PLSCR3: variants seen among roughly 807,000 people sequenced by gnomAD.
The protein encoded by PLSCR3 is PL scramblase 3.
PLSCR3 carries 17 observed loss-of-function variants against 33.7 expected under a neutral mutation model. The ratio of observed to expected loss-of-function variants is 0.50; its 90% CI spans 0.35 to 0.76. PLSCR3 has a LOEUF of 0.76. Ranked by LOEUF, PLSCR3 falls within the 30% of genes least tolerant of loss-of-function variation. The pLI is 0.01. For missense variants in PLSCR3, 360 were observed against 394.1 expected (o/e 0.91, Z 0.73); for synonymous variants, 166 against 166.0 (o/e 1.00, Z 0.00).
At chr17:7,393,886 TC>T in intron 2 of PLSCR3, 50 bp from the exon 3 acceptor site, 2 of 1,210,234 alleles carry the variant, frequency 1.7e-6, no homozygotes, top group Non-Finnish European at 2.3e-6. Context: ...CAAGGCCTCA[TC>T]CCCTTATTCC....
At chr17:7,393,418 C>T in intron 4 of PLSCR3, 49 bp downstream of exon 4, 2 of 1,612,872 alleles carry the variant, frequency 1.2e-6, no homozygotes, top group South Asian at 1.1e-5. Context: ...CAGGAGCCCA[C>T]CATCCGGGCC....
chr17:7,393,747 G>T lies in PLSCR3; in HGVS notation c.97C>A (p.Pro33Thr), dbSNP rs973943878. Residue 33 changes from proline (P) to threonine (T), a missense_variant, in exon 3 of 8, where the codon CCC becomes ACC. Pro to Thr is a conservative substitution (Grantham distance 38, BLOSUM62 -1). Transcript: ENST00000619711. ...TGGGCGGGCACTGGCGCCTGCCCGGGCCCAGGATGTAGCGCCGGCTCCGGG... is the reference window on the plus strand; with the variant it reads ...TGGGCGGGCACTGGCGCCTGCCCGGTCCCAGGATGTAGCGCCGGCTCCGGG... Reference protein sequence around the residue: ...GYPEPALHPGPGQAPVPAQVP... With the variant: ...GYPEPALHPGTGQAPVPAQVP... The T allele has an allele frequency of 1.3e-6, 2 of 1,514,840 alleles. No individual in the cohort carries two copies. Among genetic ancestry groups the T allele is most frequent in the African/African-American group, 1.4e-5 (1 of 71,056 alleles). 93.8% of individuals were successfully genotyped at this position (1,514,840 alleles called of 1,614,324 possible). A position where few individuals can be genotyped will look rare whatever the true frequency, so the allele number is the denominator to read the frequency against.
chr17:7,393,127 CCCCT>C lies in PLSCR3; in HGVS notation c.507+13_507+16del. On this transcript the variant is annotated intron_variant, in intron 5 of 7. Transcript: ENST00000619711. ...CCCCACCAAGGCCCGCCCTCCCGGCCCCCTCCCTCCGCCCACCTCCTGGAGGCCA... is the reference window on the plus strand; with the variant it reads ...CCCCACCAAGGCCCGCCCTCCCGGCCCCCTCCGCCCACCTCCTGGAGGCCA... 6.9e-7 allele frequency: 1 copy of C among 1,439,312 alleles called. No individual in the cohort carries two copies. Among genetic ancestry groups the C allele is most frequent in the Non-Finnish European group, 9.1e-7 (1 of 1,099,606 alleles). 89.2% of individuals were successfully genotyped at this position (1,439,312 alleles called of 1,614,324 possible).
In PLSCR3 at chr17:7,392,813, C is replaced by A. The variant is rs776982633; in HGVS notation, c.647G>T (p.Cys216Phe). The A allele has an allele frequency of 1.2e-6, 2 of 1,613,948 alleles. No individual in the cohort carries two copies. Reference sequence around the variant, plus strand: ...TACCTCAAAGTTGGTGTCTGTGCCACAGCCACAGGTCCAGCAGGGCCCCAC... The same window carrying A: ...TACCTCAAAGTTGGTGTCTGTGCCAAAGCCACAGGTCCAGCAGGGCCCCAC... ...RVVGPCWTCG[C>F]GTDTNFEVKT... is the part of the protein sequence containing the mutation. The change falls in exon 6 of 8, where the codon TGT becomes TTT. Residue 216 changes from cysteine to phenylalanine, a missense_variant. Physicochemically the swap from Cys to Phe is radical, Grantham distance 205. Coordinates refer to ENST00000619711, the MANE Select transcript of PLSCR3 (RefSeq NM_020360.4).
At position 7,394,357 on chromosome 17, in the gene PLSCR3, C is replaced by G; in HGVS notation, c.-157-90G>C. 1 of 495,510 alleles carries G rather than the reference C, an allele frequency of 2.0e-6. No individual in the cohort carries two copies. Among genetic ancestry groups the G allele is most frequent in the Non-Finnish European group, 3.6e-6 (1 of 275,724 alleles). The allele number at this position is 495,510 out of a possible 1,614,324, so 30.7% of individuals were successfully genotyped here. On this transcript the variant is annotated intron_variant, in intron 1 of 7. Coordinates refer to ENST00000619711, the MANE Select transcript of PLSCR3 (RefSeq NM_020360.4). The surrounding 1 kb of genome is among the most constrained non-coding windows in gnomAD (Gnocchi z 5.3). ...CGGGGGCCCCAGAACCGCCCCCTCCCTTTGTTCTCCCATCCTGCGGAGGAG... is the reference window on the plus strand; with the variant it reads ...CGGGGGCCCCAGAACCGCCCCCTCCGTTTGTTCTCCCATCCTGCGGAGGAG...
At position 7,391,715 on chromosome 17, in the gene PLSCR3, G is replaced by T. The variant is rs551291961; in HGVS notation, c.670-920C>A. 6.6e-6 allele frequency among the ~76,000 whole-genome samples: 1 copy of T among 152,176 alleles called. No homozygotes were observed. Among genetic ancestry groups the T allele is most frequent in the Non-Finnish European group, 1.5e-5 (1 of 68,036 alleles). Reference sequence around the variant, plus strand: ...CTATACATTCCCATCTGGAGATCACGCAGTTATTATATCTTATTCCCAATT... The same window carrying T: ...CTATACATTCCCATCTGGAGATCACTCAGTTATTATATCTTATTCCCAATT... On this transcript the variant is annotated intron_variant, in intron 6 of 7. Coordinates refer to ENST00000619711, the MANE Select transcript of PLSCR3 (RefSeq NM_020360.4). The surrounding 1 kb of genome is among the most constrained non-coding windows in gnomAD (Gnocchi z 4.1).
Position 7,394,340 on chromosome 17 carries a change from C to T in PLSCR3, c.-157-73G>A. 1 of 511,756 alleles carries T rather than the reference C, an allele frequency of 2.0e-6. No homozygotes were observed. Among genetic ancestry groups the T allele is most frequent in the Non-Finnish European group, 3.5e-6 (1 of 285,272 alleles). 31.7% of individuals were successfully genotyped at this position (511,756 alleles called of 1,614,324 possible). A position where few individuals can be genotyped will look rare whatever the true frequency, so the allele number is the denominator to read the frequency against. ...GGGACCCTGGATTCCCTCGGGGGCCCCAGAACCGCCCCCTCCCTTTGTTCT... is the reference window on the plus strand; with the variant it reads ...GGGACCCTGGATTCCCTCGGGGGCCTCAGAACCGCCCCCTCCCTTTGTTCT... On this transcript the variant is annotated intron_variant, in intron 1 of 7. Transcript: ENST00000619711. The surrounding 1 kb of genome is among the most constrained non-coding windows in gnomAD (Gnocchi z 5.3).
Position 7,394,348 on chromosome 17 carries a change from G to T in PLSCR3, c.-157-81C>A. On this transcript the variant is annotated intron_variant, in intron 1 of 7. Transcript: ENST00000619711. The surrounding 1 kb of genome is among the most constrained non-coding windows in gnomAD (Gnocchi z 5.3). ...GGATTCCCTCGGGGGCCCCAGAACC[G>T]CCCCCTCCCTTTGTTCTCCCATCCT... 2.0e-6 allele frequency: 1 copy of T among 504,644 alleles called. No homozygotes were observed. Among genetic ancestry groups the T allele is most frequent in the Admixed American group, 3.3e-5 (1 of 29,854 alleles). The allele number at this position is 504,644 out of a possible 1,614,324, so 31.3% of individuals were successfully genotyped here.
At position 7,390,622 on chromosome 17, in the gene PLSCR3, C is replaced by A. The variant is rs1370614976; in HGVS notation, c.831+12G>T. 1 of 1,613,562 alleles carries A rather than the reference C, an allele frequency of 6.2e-7. No homozygotes were observed. The highest frequency in any genetic ancestry group is 8.5e-7 in the Non-Finnish European group (1 of 1,179,544). On this transcript the variant is annotated intron_variant, in intron 7 of 7. Transcript: ENST00000619711. ...GACAGGCAGGAGGTGGGGGCAGGGG[C>A]AGCCAACTCACAATGAGGAATGTGG...
intron 6 of PLSCR3, 84 bp downstream of exon 6, chr17:7,392,707 T>C: frequency 7.5e-7 from 1 of 1,328,128 alleles, no homozygotes; most frequent in Non-Finnish European, 1.1e-6. Context: ...GCTCAGGGTC[T>C]TGACCTTAAT....
Position 7,394,058 on chromosome 17 carries a change from G to C in PLSCR3, c.7+46C>G. On this transcript the variant is annotated intron_variant, in intron 2 of 7. Coordinates refer to ENST00000619711, the MANE Select transcript of PLSCR3 (RefSeq NM_020360.4). The surrounding 1 kb of genome is among the most constrained non-coding windows in gnomAD (Gnocchi z 5.3). ...GGATGTGTTCAAACCCGGCTCCCAAGTCCGTGGGGGGGATAACGGAGACCC... is the reference window on the plus strand; with the variant it reads ...GGATGTGTTCAAACCCGGCTCCCAACTCCGTGGGGGGGATAACGGAGACCC... 1 of 1,604,228 alleles carries C rather than the reference G, an allele frequency of 6.2e-7. No homozygotes were observed. Among genetic ancestry groups the C allele is most frequent in the Non-Finnish European group, 8.5e-7 (1 of 1,174,348 alleles).
rs1473680301 is a variant in PLSCR3 at position 7,390,248 on chromosome 17, AGTAGG to A, written c.*132_*136del. The A allele has an allele frequency of 1.7e-6, 1 of 604,396 alleles. No homozygotes were observed. Among genetic ancestry groups the A allele is most frequent in the African/African-American group, 1.8e-5 (1 of 54,058 alleles). The allele number at this position is 604,396 out of a possible 1,614,324, so 37.4% of individuals were successfully genotyped here. On this transcript the variant is annotated 3_prime_UTR_variant, in exon 8 of 8. Transcript: ENST00000619711. Reference sequence around the variant, plus strand: ...GAACCACAGGGGCAGGCGGCCAGGGAGTAGGGTAGGGATGGGGCCCCCCTTCTGTC... The same window carrying A: ...GAACCACAGGGGCAGGCGGCCAGGGAGTAGGGATGGGGCCCCCCTTCTGTC...
At chr17:7,392,666 G>T (rs758445919) in intron 6 of PLSCR3, 125 bp downstream of exon 6, 1 of 850,602 alleles carries the variant, frequency 1.2e-6, no homozygotes, top group Non-Finnish European at 2.0e-6. Flanking sequence ...CTACAAATGC[G>T]GTCGGAGTCA....
Position 7,390,788 on chromosome 17 carries a change from G to T in PLSCR3, c.677C>A (p.Thr226Asn). 1 of 1,613,988 alleles carries T rather than the reference G, an allele frequency of 6.2e-7. No individual in the cohort carries two copies. Among genetic ancestry groups the T allele is most frequent in the Non-Finnish European group, 8.5e-7 (1 of 1,179,990 alleles). ...GCCCACACTGCGGGATTCATCCCGA[G>T]TCTTCACCTGTCATCAGGGAGGGAG... ...CGTDTNFEVK[T>N]RDESRSVGRI... Residue 226 changes from threonine to asparagine, a missense_variant, in exon 7 of 8, where the codon ACT (threonine) becomes AAT (asparagine). Transcript: ENST00000619711.
chr17:7,393,119 C>CCA, intron 5 of PLSCR3, 25 bp downstream of exon 5: 16 of 1,338,956 alleles, frequency 1.2e-5, no homozygotes, highest in Middle Eastern at 2.7e-4. Context: ...AAGGCCCGCC[C>CCA]TCCCGGCCCC....
At chr17:7,393,015 A>G (rs1905851806) in intron 5 of PLSCR3, 63 bp from the exon 6 acceptor site, 2 of 1,545,154 alleles carry the variant, frequency 1.3e-6, no homozygotes, top group Non-Finnish European at 1.8e-6. Context: ...TCATCTGTCT[A>G]TTTGGCCCTC....
At chr17:7,392,757 C>T (rs752725097) in intron 6 of PLSCR3, 34 bp downstream of exon 6, 16 of 1,603,022 alleles carry the variant, frequency 1.0e-5, no homozygotes, top group Middle Eastern at 3.3e-4. Context: ...TCTTGGTTTA[C>T]GAAGGTCCCA....
intron 6 of PLSCR3, 24 bp from the exon 7 acceptor site, chr17:7,390,819 A>T: frequency 8.1e-6 from 13 of 1,612,924 alleles, no homozygotes; most frequent in Non-Finnish European, 1.1e-5. Context: ...GGGAGAAAGG[A>T]CCCAGCTGAG....
At position 7,390,179 on chromosome 17, in the gene PLSCR3, T is replaced by C. The variant is rs192298510; in HGVS notation, c.*206A>G. ...TGCCGAGGGACTGCTGGGACAGTGG[T>C]GGGAGGTAGCAGGAGAGCGGCTCTC... On this transcript the variant is annotated 3_prime_UTR_variant, in exon 8 of 8. Transcript: ENST00000619711. 9.9e-4 allele frequency: 520 copies of C among 524,984 alleles called. 3 individuals carry two copies. Among genetic ancestry groups the C allele is most frequent in the African/African-American group, 9.3e-3 (488 of 52,646 alleles). The allele number at this position is 524,984 out of a possible 1,614,324, so 32.5% of individuals were successfully genotyped here. A position where few individuals can be genotyped will look rare whatever the true frequency, so the allele number is the denominator to read the frequency against.
Sources: gnomAD v4.1 joint callset for allele counts (sites outside exome capture counted in the v4.1 genomes callset) on GRCh38, gnomAD v4.1.1 for gene constraint, Gnocchi (gnomAD v3.1) non-coding constraint, MANE v1.5 for transcripts, NCBI Gene and HGNC (gene_info 2026-07-23, HGNC 2026-07-21) for gene names.